The following ABCC6 variants were observed in gnomAD, a reference collection of about 807,000 sequenced individuals.
ABCC6 encodes ATP binding cassette subfamily C member 6, also known as ATP-binding cassette sub-family C member 6.
Under a neutral mutation model 169.5 loss-of-function variants are expected in ABCC6, and 126 were observed. The ratio of observed to expected loss-of-function variants is 0.74; its 90% CI spans 0.64 to 0.86. ABCC6 has a LOEUF of 0.86. Ranked by LOEUF, ABCC6 falls within the 40% of genes least tolerant of loss-of-function variation. The pLI, the probability that ABCC6 is intolerant of heterozygous loss-of-function variation, is 0.00. For synonymous variants in ABCC6, 752 were observed against 814.7 expected (o/e 0.92, Z 1.31); for missense variants, 1,733 against 1,927.2 (o/e 0.90, Z 1.89).
At chr16:16,160,628 C>CAAAAAAAA (rs34511090) in intron 25 of ABCC6, among the ~76,000 whole-genome samples, 4 of 76,398 alleles carry the variant, frequency 5.2e-5, no homozygotes, top group African/African-American at 2.2e-4. Context: ...CTGTTTCTAC[C>CAAAAAAAA]AAAAAAAAAA....
At position 16,209,602 on chromosome 16, in the gene ABCC6, T is replaced by A. The variant is rs796867890; in HGVS notation, c.663-743A>T. Among the ~76,000 whole-genome samples the A allele has an allele frequency of 2.3e-3, 343 of 151,444 alleles. 1 individual carries two copies. The highest frequency in any genetic ancestry group is 6.6e-3 in the Admixed American group (100 of 15,212). On this transcript the variant is annotated intron_variant, in intron 6 of 30. Transcript: ENST00000205557. ...AACTCCTCCCTCAGCTTTTTTTTTT[T>A]AATTATTATTATTTTTTTTGAGATG...
intron 9 of ABCC6, among the ~76,000 whole-genome samples, chr16:16,201,378 G>T (rs1010885811): frequency 6.6e-6 from 1 of 152,174 alleles, no homozygotes; most frequent in Non-Finnish European, 1.5e-5. Context: ...GTTAAAATCA[G>T]GCTCAAAAAT....
intron 6 of ABCC6, among the ~76,000 whole-genome samples, chr16:16,210,675 G>A (rs1406103251): frequency 6.6e-6 from 1 of 152,198 alleles, no homozygotes; most frequent in Non-Finnish European, 1.5e-5. Flanking sequence ...AAAGCATCAA[G>A]AGTGGTCCAT....
At position 16,198,105 on chromosome 16, in the gene ABCC6, C is replaced by G; in HGVS notation, c.1254G>C (p.Gln418His). 2 of 1,613,502 alleles carry G rather than the reference C, an allele frequency of 1.2e-6. No individual in the cohort carries two copies. The highest frequency in any genetic ancestry group is 1.7e-6 in the Non-Finnish European group (2 of 1,179,782). ...DVVNLVSVDV[Q>H]RLTESVLYLN... The stretch of plus-strand genomic sequence containing the variant: ...GGTAGAGGACGCTCTCGGTCAGCCG[C>G]TGCACGTCCACGGACACCAGATTGA... Residue 418 changes from glutamine (Q) to histidine (H), a missense_variant, in exon 10 of 31, where the codon CAG becomes CAC. Gln to His is a conservative substitution (Grantham distance 24). This residue lies in a region of ABCC6 where 1,601 missense variants were observed against 1,635.5 expected (regional missense o/e 0.98). Coordinates refer to ENST00000205557, the MANE Select transcript of ABCC6 (RefSeq NM_001171.6).
intron 15 of ABCC6, 59 bp downstream of exon 15, chr16:16,184,900 G>T (rs555432486): frequency 6.5e-7 from 1 of 1,538,324 alleles, no homozygotes; most frequent in East Asian, 2.2e-5. Context: ...GGCAGCAGGA[G>T]CCCCATGCAT....
At chr16:16,212,562 G>A (rs567065534) in intron 5 of ABCC6, among the ~76,000 whole-genome samples, 9 of 151,082 alleles carry the variant, frequency 6.0e-5, no homozygotes, top group African/African-American at 1.2e-4. Flanking sequence ...TGCCTATCTC[G>A]GCCTCCCAAA....
At chr16:16,204,393 G>C (rs1221523382) in intron 7 of ABCC6, among the ~76,000 whole-genome samples, 4 of 152,116 alleles carry the variant, frequency 2.6e-5, no homozygotes, top group Non-Finnish European at 4.4e-5. Flanking sequence ...TGTCAACCTG[G>C]AGGAAGAACA....
chr16:16,211,547 G>T (rs1261195771), intron 6 of ABCC6, among the ~76,000 whole-genome samples: 2 of 152,168 alleles, frequency 1.3e-5, no homozygotes, highest in Non-Finnish European at 2.9e-5. Context: ...GGAGACTGAG[G>T]CACAGAGAGG....
intron 17 of ABCC6, among the ~76,000 whole-genome samples, chr16:16,182,085 G>A (rs990048776): frequency 2.6e-5 from 4 of 152,186 alleles, no homozygotes; most frequent in African/African-American, 9.7e-5. Context: ...CCAGAGAGGG[G>A]AAGCAATTAC....
chr16:16,184,713 A>G (rs2047591073), intron 15 of ABCC6, among the ~76,000 whole-genome samples: 1 of 151,976 alleles, frequency 6.6e-6, no homozygotes, highest in Non-Finnish European at 1.5e-5. Context: ...TCTCCCCCTA[A>G]TGGGGGAGGC....
intron 8 of ABCC6, 99 bp downstream of exon 8, chr16:16,203,311 C>G: frequency 1.3e-6 from 2 of 1,485,974 alleles, no homozygotes; most frequent in South Asian, 1.2e-5. Context: ...GAGCACCAGA[C>G]GTATAGGCAG....
chr16:16,153,263 A>G (rs1341707556), intron 29 of ABCC6, among the ~76,000 whole-genome samples: 1 of 152,192 alleles, frequency 6.6e-6, no homozygotes, highest in African/African-American at 2.4e-5. Context: ...GCATTATTCA[A>G]AACGGCCAAG....
In ABCC6 at chr16:16,198,054, G is replaced by C; in HGVS notation, c.1305C>G (p.Val435=). ...LYLNGLWLPL[V]WIVVCFVYLW... Reference sequence around the variant, plus strand: ...GATAGACGAAGCAGACCACGATCCAGACGAGAGGCAGCCACAGCCCGTTGA... The same window carrying C: ...GATAGACGAAGCAGACCACGATCCACACGAGAGGCAGCCACAGCCCGTTGA... Residue 435 remains valine (V), a synonymous_variant, in exon 10 of 31, where the codon GTC becomes GTG. Transcript: ENST00000205557. 1 of 1,614,194 alleles carries C rather than the reference G, an allele frequency of 6.2e-7. No individual in the cohort carries two copies. Among genetic ancestry groups the C allele is most frequent in the Non-Finnish European group, 8.5e-7 (1 of 1,180,030 alleles).
In ABCC6 at chr16:16,150,126, T is replaced by C; in HGVS notation, c.*7A>G. 1 of 1,612,042 alleles carries C rather than the reference T, an allele frequency of 6.2e-7. No individual in the cohort carries two copies. Among genetic ancestry groups the C allele is most frequent in the Non-Finnish European group, 8.5e-7 (1 of 1,179,954 alleles). ...GGTCCAACTGGGGTACGGTTGAGGG[T>C]CCTGGCTCAGACCAGGCCTGACTCC... On this transcript the variant is annotated 3_prime_UTR_variant, in exon 31 of 31. Transcript: ENST00000205557.
chr16:16,157,896 C>A, intron 26 of ABCC6, 87 bp from the exon 27 acceptor site: 1 of 1,440,576 alleles, frequency 6.9e-7, no homozygotes, highest in Non-Finnish European at 9.4e-7. Flanking sequence ...TCAGTTTTCT[C>A]TTCCGCAAAA....
chr16:16,158,123 A>G (rs954935479), intron 26 of ABCC6, among the ~76,000 whole-genome samples: 1 of 152,130 alleles, frequency 6.6e-6, no homozygotes, highest in Non-Finnish European at 1.5e-5. Flanking sequence ...CAGTGGGAAG[A>G]CCAATACTGC....
Position 16,200,124 on chromosome 16 carries a change from G to C in ABCC6, c.1176+1877C>G, listed in dbSNP as rs137881127. Among the ~76,000 whole-genome samples, 969 of 151,654 alleles carry C rather than the reference G, an allele frequency of 6.4e-3. 7 individuals are homozygous for C. Among genetic ancestry groups the C allele is most frequent in the African/African-American group, 0.017 (715 of 41,374 alleles). On this transcript the variant is annotated intron_variant, in intron 9 of 30. Coordinates refer to ENST00000205557, the MANE Select transcript of ABCC6 (RefSeq NM_001171.6). ...AAACTCATGCTTTAATGGCAGTTATGATGAGTAACATAAAAAAGTAGCCCA... is the reference window on the plus strand; with the variant it reads ...AAACTCATGCTTTAATGGCAGTTATCATGAGTAACATAAAAAAGTAGCCCA...
chr16:16,162,661 T>C (rs1241560573), intron 24 of ABCC6, among the ~76,000 whole-genome samples: 1 of 152,216 alleles, frequency 6.6e-6, no homozygotes, highest in African/African-American at 2.4e-5. Flanking sequence ...CTGTGTCTAT[T>C]TGTGCTTAAA....
At chr16:16,213,076 C>T (rs1001853635) in intron 5 of ABCC6, among the ~76,000 whole-genome samples, 2 of 149,510 alleles carry the variant, frequency 1.3e-5, no homozygotes, top group South Asian at 2.1e-4. Context: ...CTCAAGCCTT[C>T]GAGCAATTTT....
Sources: gnomAD v4.1 joint callset for allele counts (sites outside exome capture counted in the v4.1 genomes callset) on GRCh38, gnomAD v4.1.1 for gene constraint, gnomAD v4.1.1 regional missense constraint, MANE v1.5 for transcripts, NCBI Gene and HGNC (gene_info 2026-07-23, HGNC 2026-07-21) for gene names.